PTGER3: variants seen among roughly 807,000 people sequenced by gnomAD.
PTGER3 encodes prostaglandin E2 receptor EP3 subtype.
A neutral mutation model predicts 34.7 loss-of-function variants in PTGER3; 22 were observed. The observed-to-expected ratio is 0.63, with a 90% CI of 0.45 to 0.91. The LOEUF (loss-of-function observed/expected upper bound fraction) is 0.91. Among genes scored for constraint, PTGER3 ranks in the 40% least tolerant of loss-of-function variants. The pLI is 0.00. For synonymous variants in PTGER3, 241 were observed against 230.1 expected (o/e 1.05, Z -0.43); for missense variants, 468 against 519.4 (o/e 0.90, Z 0.96).
At chr1:70,999,793 A>AT (rs1656311584) in intron 2 of PTGER3, among the ~76,000 whole-genome samples, 1 of 152,240 alleles carries the variant, frequency 6.6e-6, no homozygotes, top group South Asian at 2.1e-4. Flanking sequence ...CCAAATTGTG[A>AT]TAAACTCTTG....
rs531180936 is a variant in PTGER3, at chr1:70,981,104, G to T, written c.1078-6716C>A. Among the ~76,000 whole-genome samples the T allele has an allele frequency of 3.1e-4, 47 of 152,024 alleles. 1 individual carries two copies. Among genetic ancestry groups the T allele is most frequent in the Non-Finnish European group, 1.2e-4 (8 of 67,982 alleles). On this transcript the variant is annotated intron_variant, in intron 2 of 3. Transcript: ENST00000306666. ...CAACTGTTAATAGAAACAAAATTATGACAAGTAGAAAATAACTGGGTCCAA... is the reference window on the plus strand; with the variant it reads ...CAACTGTTAATAGAAACAAAATTATTACAAGTAGAAAATAACTGGGTCCAA...
downstream of PTGER3, among the ~76,000 whole-genome samples, chr1:70,970,536 T>TGATC (rs1366699286): frequency 4.6e-5 from 7 of 152,284 alleles, no homozygotes; most frequent in East Asian, 1.4e-3. Flanking sequence ...TCACAGCATA[T>TGATC]GATCCTACAG....
intron 2 of PTGER3, among the ~76,000 whole-genome samples, chr1:70,999,210 T>G (rs774386922): frequency 6.6e-6 from 1 of 152,110 alleles, no homozygotes; most frequent in Non-Finnish European, 1.5e-5. Context: ...ATGTACAAAT[T>G]TTTCCACTTT....
intron 2 of PTGER3, chr1:71,008,480 C>A (rs1266612261): frequency 2.2e-6 from 2 of 913,756 alleles, no homozygotes; most frequent in African/African-American, 3.6e-5. Flanking sequence ...TTCCCTAATT[C>A]TTTTATCATC....
intron 1 of PTGER3, among the ~76,000 whole-genome samples, chr1:71,032,106 T>C (rs1557760468): frequency 6.6e-6 from 1 of 152,206 alleles, no homozygotes; most frequent in Admixed American, 6.5e-5. Context: ...GTTGCCAGAA[T>C]AACATAAAAC....
intron 4 of PTGER3, among the ~76,000 whole-genome samples, chr1:70,921,780 G>A (rs374058203): frequency 2.0e-4 from 30 of 152,216 alleles, no homozygotes; most frequent in Non-Finnish European, 3.2e-4. Flanking sequence ...ATGGCAGCCC[G>A]GATTCAAGGT....
chr1:70,935,382 T>C (rs895946947), intron 4 of PTGER3, among the ~76,000 whole-genome samples: 3 of 152,114 alleles, frequency 2.0e-5, no homozygotes, highest in African/African-American at 7.2e-5. Context: ...CTTCTCAGTT[T>C]TTATTTATAT....
intron 4 of PTGER3, among the ~76,000 whole-genome samples, chr1:70,897,294 C>G (rs991644231): frequency 6.6e-6 from 1 of 152,070 alleles, no homozygotes; most frequent in African/African-American, 2.4e-5. Context: ...AAAATCTAAC[C>G]GGCAATCCAT....
chr1:71,009,007 C>A (rs1657211884), intron 2 of PTGER3: 1 of 983,888 alleles, frequency 1.0e-6, no homozygotes, highest in Non-Finnish European at 1.2e-6. Flanking sequence ...TTTCTATTTT[C>A]TTTTTCTGAG....
chr1:70,859,706 C>T (rs1365273992), intron 4 of PTGER3, among the ~76,000 whole-genome samples: 3 of 152,102 alleles, frequency 2.0e-5, no homozygotes, highest in African/African-American at 7.2e-5. Flanking sequence ...TGCAGGAACT[C>T]GTAAGAAATG....
At chr1:70,990,250 G>T (rs1421223170) in intron 2 of PTGER3, among the ~76,000 whole-genome samples, 1 of 150,906 alleles carries the variant, frequency 6.6e-6, no homozygotes, top group Non-Finnish European at 1.5e-5. Flanking sequence ...CCAGCTACTC[G>T]GGAGGCTGAG....
At chr1:70,886,363 T>G (rs1383010101) in intron 4 of PTGER3, 2 of 438,468 alleles carry the variant, frequency 4.6e-6, no homozygotes, top group South Asian at 3.4e-5. Context: ...TTAAGCCACC[T>G]AGTCTGTGGT....
chr1:71,009,883 T>C, intron 2 of PTGER3: 5 of 985,270 alleles, frequency 5.1e-6, no homozygotes, highest in Non-Finnish European at 6.0e-6. Flanking sequence ...CTAGTCTCTG[T>C]ACATCTCTGA....
At chr1:70,853,442 G>C (rs866668384) in intron 4 of PTGER3, among the ~76,000 whole-genome samples, 7 of 152,070 alleles carry the variant, frequency 4.6e-5, no homozygotes, top group Non-Finnish European at 2.9e-5. Flanking sequence ...TCTAAATTAC[G>C]AGTGACCTAA....
At chr1:71,011,405 A>G (rs1657430887) in intron 2 of PTGER3, 10 of 985,208 alleles carry the variant, frequency 1.0e-5, no homozygotes, top group Non-Finnish European at 9.6e-6. Flanking sequence ...CAAGGGAAAT[A>G]TATATTCAGA....
intron 1 of PTGER3, among the ~76,000 whole-genome samples, chr1:71,023,863 C>T (rs1243098119): frequency 6.6e-6 from 1 of 151,720 alleles, no homozygotes; most frequent in African/African-American, 2.4e-5. Flanking sequence ...CATTTACACC[C>T]CCAATTGACC....
chr1:70,991,850 T>A (rs1468261609), intron 2 of PTGER3, among the ~76,000 whole-genome samples: 1 of 152,196 alleles, frequency 6.6e-6, no homozygotes. Flanking sequence ...GCATTTACTT[T>A]CTAAGAAGGG....
downstream of PTGER3, among the ~76,000 whole-genome samples, chr1:70,970,573 C>T (rs2300161): frequency 0.24 from 36,036 of 151,892 alleles, 4,432 homozygotes; most frequent in Middle Eastern, 0.33. Context: ...ATATTTTCAT[C>T]GCTTCCCAAG....
In PTGER3 at chr1:70,914,322, G is replaced by A. The variant is rs78334004; in HGVS notation, c.*23+39441C>T. On this transcript the variant is annotated intron_variant, in intron 4 of 4. Coordinates refer to the PTGER3 transcript ENST00000370931. ...TCTAGTCATGAAATTGCTAGGATTT[G>A]ATTGAGATAACATGTGTAAATCATT... 9.7e-3 allele frequency among the ~76,000 whole-genome samples: 1,473 copies of A among 151,922 alleles called. 33 individuals carry two copies. The highest frequency in any genetic ancestry group is 0.034 in the African/African-American group (1,399 of 41,520).
Sources: allele counts gnomAD v4.1 joint callset (sites outside exome capture counted in the v4.1 genomes callset), GRCh38; gene constraint gnomAD v4.1.1; transcripts MANE v1.5; gene names NCBI Gene and HGNC (gene_info 2026-07-23, HGNC 2026-07-21).